Variants in ULK4 observed in about 807,000 individuals in gnomAD.
The protein encoded by ULK4 is inactive serine/threonine-protein kinase ULK4.
Under a neutral mutation model 160.6 loss-of-function variants are expected in ULK4, and 133 were observed. The observed-to-expected ratio is 0.83, with a 90% CI of 0.72 to 0.96. The LOEUF (loss-of-function observed/expected upper bound fraction) is 0.96. Ranked by LOEUF, ULK4 falls within the 40% of genes least tolerant of loss-of-function variation. ULK4 has a pLI of 0.00. For synonymous variants in ULK4, 534 were observed against 539.8 expected, an observed-to-expected ratio of 0.99 and a Z score of 0.15; for missense variants, 1,580 against 1,499.5, an observed-to-expected ratio of 1.05 and a Z score of -0.89.
chr3:41,540,505 C>T (rs575495128), intron 32 of ULK4, among the ~76,000 whole-genome samples: 52 of 152,256 alleles, frequency 3.4e-4, no homozygotes, highest in African/African-American at 1.2e-3. Flanking sequence ...CATACGTGTG[C>T]ATGTGTCTTT....
intron 35 of ULK4, among the ~76,000 whole-genome samples, chr3:41,292,895 G>A (rs554495373): frequency 6.6e-6 from 1 of 152,238 alleles, no homozygotes; most frequent in Admixed American, 6.5e-5. Context: ...AGTGAGCCAA[G>A]ATTGCACGAC....
chr3:41,623,874 T>C (rs926522184), intron 30 of ULK4, among the ~76,000 whole-genome samples: 9 of 152,198 alleles, frequency 5.9e-5, no homozygotes, highest in African/African-American at 2.2e-4. Context: ...GACATGTTAA[T>C]TAGTCTGATT....
chr3:41,407,596 G>T (rs1027865803), intron 34 of ULK4, among the ~76,000 whole-genome samples: 2 of 152,170 alleles, frequency 1.3e-5, no homozygotes, highest in Non-Finnish European at 2.9e-5. Flanking sequence ...AATGTTCTAT[G>T]CAATAGCAAT....
chr3:41,564,625 A>C (rs1360354836), intron 32 of ULK4, among the ~76,000 whole-genome samples: 1 of 151,024 alleles, frequency 6.6e-6, no homozygotes, highest in Admixed American at 6.6e-5. Flanking sequence ...CACCTGGCTA[A>C]TTTTTCTATT....
chr3:41,498,562 TTC>T (rs1402605057), intron 32 of ULK4, among the ~76,000 whole-genome samples: 9 of 82,854 alleles, frequency 1.1e-4, no homozygotes, highest in Admixed American at 5.2e-4. Context: ...ATTAGAGAGC[TTC>T]TTCTTTTTTT....
chr3:41,926,667 A>C (rs975394957), intron 5 of ULK4, among the ~76,000 whole-genome samples: 1 of 152,230 alleles, frequency 6.6e-6, no homozygotes, highest in African/African-American at 2.4e-5. Context: ...GACCTGATGG[A>C]GCTGAAAAAC....
At chr3:41,354,871 T>A (rs146638421) in intron 35 of ULK4, among the ~76,000 whole-genome samples, 15 of 152,360 alleles carry the variant, frequency 9.8e-5, no homozygotes, top group Non-Finnish European at 2.1e-4. Flanking sequence ...CTCTGTTTTA[T>A]TTCAGAGATC....
At chr3:41,899,629 G>A (rs1481215659) in intron 13 of ULK4, among the ~76,000 whole-genome samples, 1 of 151,806 alleles carries the variant, frequency 6.6e-6, no homozygotes, top group African/African-American at 2.4e-5. Context: ...TTGTTTTTTA[G>A]TTCATCAGCT....
chr3:41,604,535 A>T lies in ULK4; in HGVS notation c.3120+11134T>A, dbSNP rs118163645. Among the ~76,000 whole-genome samples, 45 of 152,310 alleles carry T rather than the reference A, an allele frequency of 3.0e-4. No individual in the cohort carries two copies. In the East Asian group the frequency reaches 8.7e-3, roughly 29 times the overall value. ...AAAAGATACATAACATTCATGAGTC[A>T]TTAAACATACATGAAATATCTGGGC... On this transcript the variant is annotated intron_variant, in intron 31 of 36. Coordinates refer to ENST00000301831, the MANE Select transcript of ULK4 (RefSeq NM_017886.4).
chr3:41,786,232 C>T (rs967638734), intron 21 of ULK4, among the ~76,000 whole-genome samples: 3 of 152,136 alleles, frequency 2.0e-5, no homozygotes, highest in Non-Finnish European at 2.9e-5. Context: ...CTTATACACT[C>T]CAAGAACTCG....
At chr3:41,948,205 T>A (rs1700171054) in intron 2 of ULK4, among the ~76,000 whole-genome samples, 1 of 152,090 alleles carries the variant, frequency 6.6e-6, no homozygotes, top group Non-Finnish European at 1.5e-5. Context: ...AATCCCGGCA[T>A]TTCGGGAGGT....
intron 31 of ULK4, among the ~76,000 whole-genome samples, chr3:41,571,729 A>G (rs1209155662): frequency 6.6e-6 from 1 of 152,200 alleles, no homozygotes; most frequent in Admixed American, 6.5e-5. Flanking sequence ...AGCCCCTCCA[A>G]CTTCTCCAAA....
chr3:41,906,216 C>CAAAAAAAAAAAAA (rs58001920), intron 12 of ULK4, among the ~76,000 whole-genome samples: 3 of 67,114 alleles, frequency 4.5e-5, no homozygotes, highest in African/African-American at 1.9e-4. Context: ...GACTCCGTCT[C>CAAAAAAAAAAAAA]AAAAAAAAAA....
At chr3:41,865,271 TAAAAAAAAAAAAAAAAAAAA>T (rs55741060) in intron 17 of ULK4, among the ~76,000 whole-genome samples, 3 of 29,872 alleles carry the variant, frequency 1.0e-4, no homozygotes, top group African/African-American at 1.4e-4. Flanking sequence ...ACTCTGTCTT[TAAAAAAAAAAAAAAAAAAAA>T]AAAAAAAAAA....
rs552094173 is a variant in ULK4 at position 41,304,256 on chromosome 3, A to T, written c.3679-54682T>A. Among the ~76,000 whole-genome samples, 6 of 134,434 alleles carry T rather than the reference A, an allele frequency of 4.5e-5. No homozygotes were observed. The East Asian group carries it at 1.4e-3, about 31-fold the overall frequency. The allele number at this position is 134,434 out of a possible 152,430, so 88.2% of individuals were successfully genotyped here. Reference sequence around the variant, plus strand: ...CCATTGCACTCCAGCCTGGACAATAAGAGCAAAGCTCCCCCTCAAAAAAAA... The same window carrying T: ...CCATTGCACTCCAGCCTGGACAATATGAGCAAAGCTCCCCCTCAAAAAAAA... On this transcript the variant is annotated intron_variant, in intron 35 of 36. Transcript: ENST00000301831.
At chr3:41,471,858 C>A (rs185176411) in intron 32 of ULK4, among the ~76,000 whole-genome samples, 1 of 150,236 alleles carries the variant, frequency 6.7e-6, no homozygotes. Flanking sequence ...AAAAGCAGTT[C>A]TGAGAAAAAA....
chr3:41,588,131 T>C (rs1348420203), intron 31 of ULK4, among the ~76,000 whole-genome samples: 2 of 151,890 alleles, frequency 1.3e-5, no homozygotes, highest in Non-Finnish European at 1.5e-5. Context: ...ACAATAGAAC[T>C]GCAAACAAAA....
intron 30 of ULK4, among the ~76,000 whole-genome samples, chr3:41,658,539 G>C (rs1220750735): frequency 6.6e-6 from 1 of 152,030 alleles, no homozygotes; most frequent in Non-Finnish European, 1.5e-5. Context: ...AAAAGATTAG[G>C]AAAGAACAAA....
intron 34 of ULK4, among the ~76,000 whole-genome samples, chr3:41,401,729 C>A (rs973008785): frequency 6.6e-6 from 1 of 152,112 alleles, no homozygotes; most frequent in South Asian, 2.1e-4. Flanking sequence ...TACTTCCACC[C>A]CAATTTCTCA....
Sources: gnomAD v4.1 joint callset for allele counts (sites outside exome capture counted in the v4.1 genomes callset) on GRCh38, gnomAD v4.1.1 for gene constraint, MANE v1.5 for transcripts, NCBI Gene and HGNC (gene_info 2026-07-23, HGNC 2026-07-21) for gene names.